The following ATRNL1 variants were observed in gnomAD, a reference collection of about 807,000 sequenced individuals.
The protein encoded by ATRNL1 is attractin-like protein 1.
Under a neutral mutation model 182.7 loss-of-function variants are expected in ATRNL1, and 95 were observed. The observed-to-expected ratio is 0.52, with a 90% CI of 0.44 to 0.62. The LOEUF (loss-of-function observed/expected upper bound fraction) is 0.62. Among genes scored for constraint, ATRNL1 ranks in the 20% least tolerant of loss-of-function variants. The pLI, the probability that ATRNL1 is intolerant of heterozygous loss-of-function variation, is 0.00. For synonymous variants in ATRNL1, 576 were observed against 568.3 expected, an observed-to-expected ratio of 1.01 and a Z score of -0.19; for missense variants, 1,471 against 1,679.5, an observed-to-expected ratio of 0.88 and a Z score of 2.17.
At chr10:115,190,155 C>A (rs1404675284) in intron 8 of ATRNL1, among the ~76,000 whole-genome samples, 7 of 152,084 alleles carry the variant, frequency 4.6e-5, no homozygotes, top group Admixed American at 4.6e-4. Context: ...CCTAACAGTG[C>A]ATTTCTCAGA....
chr10:115,806,325 A>C (rs1336192924), intron 27 of ATRNL1, among the ~76,000 whole-genome samples: 2 of 151,994 alleles, frequency 1.3e-5, no homozygotes, highest in Admixed American at 6.6e-5. Context: ...GCTTTGTTTA[A>C]CTCTATATTT....
intron 26 of ATRNL1, among the ~76,000 whole-genome samples, chr10:115,556,538 C>A (rs1330800736): frequency 6.6e-6 from 1 of 152,074 alleles, no homozygotes; most frequent in Admixed American, 6.6e-5. Context: ...TATATAATGT[C>A]ATTGATTTTA....
intron 27 of ATRNL1, among the ~76,000 whole-genome samples, chr10:115,806,788 CTTTATG>C (rs1358301416): frequency 6.6e-6 from 1 of 152,100 alleles, no homozygotes; most frequent in Non-Finnish European, 1.5e-5. Context: ...TGCTGTACCT[CTTTATG>C]TTTAAGATGC....
At chr10:115,377,140 T>C (rs931920848) in intron 19 of ATRNL1, among the ~76,000 whole-genome samples, 3 of 152,186 alleles carry the variant, frequency 2.0e-5, no homozygotes, top group Admixed American at 1.3e-4. Flanking sequence ...ATTGTTGGTA[T>C]GGTTTGGCTG....
intron 26 of ATRNL1, among the ~76,000 whole-genome samples, chr10:115,556,509 T>C (rs1554997080): frequency 6.6e-6 from 1 of 152,156 alleles, no homozygotes; most frequent in Non-Finnish European, 1.5e-5. Context: ...ATCACAACTG[T>C]CATCTGGCCA....
At chr10:115,446,684 G>T (rs1399808951) in intron 21 of ATRNL1, among the ~76,000 whole-genome samples, 1 of 151,952 alleles carries the variant, frequency 6.6e-6, no homozygotes, top group African/African-American at 2.4e-5. Context: ...AAAAACATAT[G>T]CAATTGGAAT....
At chr10:115,507,959 A>G (rs1218740948) in intron 24 of ATRNL1, among the ~76,000 whole-genome samples, 3 of 151,868 alleles carry the variant, frequency 2.0e-5, no homozygotes, top group Non-Finnish European at 4.4e-5. Flanking sequence ...ACCTTGTTGT[A>G]TTTTACTTCG....
chr10:115,222,672 A>G (rs1445154245), intron 9 of ATRNL1, among the ~76,000 whole-genome samples: 1 of 152,192 alleles, frequency 6.6e-6, no homozygotes, highest in Non-Finnish European at 1.5e-5. Flanking sequence ...GACAATAATC[A>G]TCCATCTAAA....
chr10:115,171,260 G>A lies in ATRNL1; in HGVS notation c.1316G>A (p.Gly439Asp), dbSNP rs1847280434. ...ATATTTGGATATTCTGCAATATATG[G>A]TTATACAAGCAGCATACAGGAATAC... ...IIIFGYSAIY[G>D]YTSSIQEYHI... Residue 439 changes from glycine (G) to aspartate (D), a missense_variant, in exon 8 of 29, where the codon GGT (glycine) becomes GAT (aspartate). Physicochemically the swap from Gly to Asp is moderately conservative, Grantham distance 94. This residue lies in a region of ATRNL1 where 1,031 missense variants were observed against 1,156.0 expected (regional missense o/e 0.89). Coordinates refer to ENST00000355044, the MANE Select transcript of ATRNL1 (RefSeq NM_207303.4). 6.2e-7 allele frequency: 1 copy of A among 1,607,380 alleles called. No individual in the cohort carries two copies. The highest frequency in any genetic ancestry group is 8.5e-7 in the Non-Finnish European group (1 of 1,175,342).
intron 28 of ATRNL1, among the ~76,000 whole-genome samples, chr10:115,934,084 A>G (rs962756085): frequency 6.6e-6 from 1 of 152,082 alleles, no homozygotes; most frequent in Non-Finnish European, 1.5e-5. Flanking sequence ...TACCATCTAG[A>G]TGCCAATGCT....
intron 5 of ATRNL1, among the ~76,000 whole-genome samples, chr10:115,143,330 A>G (rs1236644813): frequency 6.6e-6 from 1 of 152,176 alleles, no homozygotes; most frequent in Non-Finnish European, 1.5e-5. Context: ...TGTAAAATGA[A>G]CAAATCCTGC....
chr10:115,917,957 T>C (rs1193614183), intron 28 of ATRNL1, among the ~76,000 whole-genome samples: 1 of 152,156 alleles, frequency 6.6e-6, no homozygotes, highest in Non-Finnish European at 1.5e-5. Context: ...ATTGTTAAAA[T>C]AGTAAATAAG....
In ATRNL1 at chr10:115,137,320, A is replaced by G. The variant is rs1485898332; in HGVS notation, c.829+7785A>G. Among the ~76,000 whole-genome samples the G allele has an allele frequency of 2.6e-5, 4 of 152,358 alleles. No individual in the cohort carries two copies. In the East Asian group the frequency reaches 7.7e-4, roughly 29 times the overall value. ...AGACTGCTGTCTCCCAGCATTCATT[A>G]TAGAATTCTCATTGTAATAGAATTC... is the stretch of plus-strand genomic sequence containing the variant. On this transcript the variant is annotated intron_variant, in intron 5 of 28. Coordinates refer to ENST00000355044, the MANE Select transcript of ATRNL1 (RefSeq NM_207303.4).
rs561486001 is a variant in ATRNL1 at position 115,789,578 on chromosome 10, G to T, written c.3904-58299G>T. Among the ~76,000 whole-genome samples the T allele has an allele frequency of 2.2e-4, 33 of 152,282 alleles. 1 individual carries two copies. The South Asian group carries it at 6.6e-3, about 31-fold the overall frequency. ...GCCTGGGAGAGCTAAGGACTGTTAGGTCAGAGTTTCCAAGAATAGAGAAAA... is the reference window on the plus strand; with the variant it reads ...GCCTGGGAGAGCTAAGGACTGTTAGTTCAGAGTTTCCAAGAATAGAGAAAA... On this transcript the variant is annotated intron_variant, in intron 27 of 28. Coordinates refer to ENST00000355044, the MANE Select transcript of ATRNL1 (RefSeq NM_207303.4).
intron 8 of ATRNL1, among the ~76,000 whole-genome samples, chr10:115,180,235 T>C (rs1267783961): frequency 6.6e-6 from 1 of 152,086 alleles, no homozygotes; most frequent in Non-Finnish European, 1.5e-5. Context: ...AAATTCTTAT[T>C]GTATATTTGT....
At chr10:115,375,082 G>T (rs1217509747) in intron 19 of ATRNL1, among the ~76,000 whole-genome samples, 1 of 151,310 alleles carries the variant, frequency 6.6e-6, no homozygotes, top group Non-Finnish European at 1.5e-5. Context: ...GGGTATTCAA[G>T]TCCCTTACTA....
chr10:115,625,461 T>C (rs963155783), intron 26 of ATRNL1, among the ~76,000 whole-genome samples: 15 of 152,322 alleles, frequency 9.8e-5, no homozygotes, highest in Middle Eastern at 3.4e-3. Flanking sequence ...TTATACCTTT[T>C]TTGTTAAGAA....
At chr10:115,632,674 C>T (rs960331967) in intron 26 of ATRNL1, among the ~76,000 whole-genome samples, 4 of 152,028 alleles carry the variant, frequency 2.6e-5, no homozygotes, top group East Asian at 1.9e-4. Context: ...AAAATGCATT[C>T]GGTGAATGAA....
intron 13 of ATRNL1, among the ~76,000 whole-genome samples, chr10:115,269,200 G>A (rs1471207449): frequency 6.6e-6 from 1 of 152,102 alleles, no homozygotes; most frequent in Non-Finnish European, 1.5e-5. Flanking sequence ...TATGGCAGAT[G>A]AAAATGGGTT....
Sources: allele counts gnomAD v4.1 joint callset (sites outside exome capture counted in the v4.1 genomes callset), GRCh38; gene constraint gnomAD v4.1.1; regional missense constraint gnomAD v4.1.1; transcripts MANE v1.5; gene names NCBI Gene and HGNC (gene_info 2026-07-23, HGNC 2026-07-21).